The following CPVL variants were observed in gnomAD, a reference collection of about 807,000 sequenced individuals.
CPVL encodes the protein probable serine carboxypeptidase CPVL.
CPVL carries 51 observed loss-of-function variants against 63.7 expected under a neutral mutation model. That is an observed-to-expected ratio of 0.80 (90% CI 0.64 to 1.01). CPVL has a LOEUF of 1.01. Ranked by LOEUF, CPVL falls within the 50% of genes least tolerant of loss-of-function variation. The probability of loss-of-function intolerance (pLI) is 0.00; values close to 1 mark genes in which losing one functional copy is unlikely to be tolerated. For synonymous variants in CPVL, 195 were observed against 206.0 expected (o/e 0.95, Z 0.46); for missense variants, 530 against 573.1 (o/e 0.92, Z 0.77).
At chr7:29,123,038 C>G (rs1336377413) in intron 1 of CPVL, among the ~76,000 whole-genome samples, 1 of 152,138 alleles carries the variant, frequency 6.6e-6, no homozygotes, top group Non-Finnish European at 1.5e-5. Flanking sequence ...TGAAAGGGTA[C>G]TCCACACATT....
intron 7 of CPVL, among the ~76,000 whole-genome samples, chr7:29,085,962 T>C (rs1370490058): frequency 5.9e-5 from 9 of 152,062 alleles, no homozygotes; most frequent in Non-Finnish European, 8.8e-5. Flanking sequence ...GCACCCATGG[T>C]AATATGTGAG....
intron 10 of CPVL, 124 bp downstream of exon 10, chr7:29,065,899 C>T (rs1008730932): frequency 4.6e-5 from 26 of 570,172 alleles, no homozygotes; most frequent in Middle Eastern, 3.8e-4. Flanking sequence ...GACCACATCA[C>T]GCGGTACAGT....
In CPVL at chr7:29,146,507, A is replaced by G. The variant is rs1400106198; in HGVS notation, c.-89T>C. ...TTGTCCTTGCAGCGCTTCCCAAATC[A>G]GGCAGAAGTGAGGCAGCCCCACCCA... is the stretch of plus-strand genomic sequence containing the variant. On this transcript the variant is annotated 5_prime_UTR_variant, in exon 1 of 13. Coordinates refer to ENST00000265394, the MANE Select transcript of CPVL (RefSeq NM_031311.5). The G allele has an allele frequency of 4.1e-6, 6 of 1,468,080 alleles. No individual in the cohort carries two copies. Among genetic ancestry groups the G allele is most frequent in the Non-Finnish European group, 5.4e-6 (6 of 1,111,244 alleles). 90.9% of individuals were successfully genotyped at this position (1,468,080 alleles called of 1,614,324 possible).
chr7:29,188,719 G>C (rs1227772419), intron 1 of CPVL, among the ~76,000 whole-genome samples: 1 of 152,064 alleles, frequency 6.6e-6, no homozygotes, highest in African/African-American at 2.4e-5. Context: ...CAGCTGTCTA[G>C]AAATAGTCTT....
intron 5 of CPVL, among the ~76,000 whole-genome samples, chr7:29,174,601 C>T (rs1365263140): frequency 1.3e-5 from 2 of 152,164 alleles, no homozygotes; most frequent in African/African-American, 4.8e-5. Flanking sequence ...GTGACTCACG[C>T]CTGTAATCCA....
intron 12 of CPVL, among the ~76,000 whole-genome samples, chr7:29,018,988 T>C (rs566050814): frequency 6.6e-6 from 1 of 152,142 alleles, no homozygotes; most frequent in East Asian, 1.9e-4. Context: ...GAGATTTACA[T>C]TTTGTGTATA....
intron 12 of CPVL, among the ~76,000 whole-genome samples, chr7:29,018,376 ATCTTTT>A (rs1324496113): frequency 8.3e-6 from 1 of 120,318 alleles, no homozygotes; most frequent in African/African-American, 3.7e-5. Context: ...AAAATTTTTA[ATCTTTT>A]TTTTTTTTTT....
intron 1 of CPVL, among the ~76,000 whole-genome samples, chr7:29,140,766 T>C (rs568672758): frequency 2.0e-5 from 3 of 151,892 alleles, no homozygotes; most frequent in Non-Finnish European, 4.4e-5. Context: ...GGAAGGAAAA[T>C]AAGAAAAAAG....
In CPVL at chr7:29,140,739, C is replaced by G. The variant is rs147269364; in HGVS notation, c.-11+5690G>C. On this transcript the variant is annotated intron_variant, in intron 1 of 12. Coordinates refer to ENST00000265394, the MANE Select transcript of CPVL (RefSeq NM_031311.5). ...GGCTACACATTCTATCGCACCCTCT[C>G]TCCAAAGACTCCCCAGGGAAGGAAA... Among the ~76,000 whole-genome samples, 177 of 152,280 alleles carry G rather than the reference C, an allele frequency of 1.2e-3. 4 individuals are homozygous for G. In the East Asian group the frequency reaches 0.031, roughly 27 times the overall value.
In CPVL at chr7:29,092,645, C is replaced by A. The variant is rs1405374129; in HGVS notation, c.520G>T (p.Asp174Tyr). Residue 174 changes from aspartate (D) to tyrosine (Y), a missense_variant, in exon 6 of 13, where the codon GAT becomes TAT. By Grantham distance (160) the Asp-to-Tyr change is radical. Transcript: ENST00000265394. ...DTHGYAVNED[D>Y]VARDLYSALI... ...TACCTGTATAAATCCCGTGCTACAT[C>A]GTCCTCATTGACTGCATATCCGTGG... 9 of 1,613,692 alleles carry A rather than the reference C, an allele frequency of 5.6e-6. No homozygotes were observed. Among genetic ancestry groups the A allele is most frequent in the Non-Finnish European group, 5.9e-6 (7 of 1,179,596 alleles).
At chr7:29,167,229 T>G (rs1307911255) in intron 5 of CPVL, among the ~76,000 whole-genome samples, 1 of 152,238 alleles carries the variant, frequency 6.6e-6, no homozygotes, top group Non-Finnish European at 1.5e-5. Context: ...CCTAAAATAA[T>G]ATATTAATTT....
chr7:29,011,185 T>C (rs547818412), intron 12 of CPVL: 10 of 152,372 alleles, frequency 6.6e-5, no homozygotes, highest in African/African-American at 2.4e-4. Flanking sequence ...ACAATTCAAA[T>C]AGCCTAATGC....
intron 3 of CPVL, among the ~76,000 whole-genome samples, chr7:29,096,752 G>A (rs530616689): frequency 9.2e-5 from 14 of 152,172 alleles, no homozygotes; most frequent in Non-Finnish European, 1.9e-4. Context: ...GGGAGGCCGA[G>A]GCAGGCAGAT....
chr7:29,018,352 T>C (rs2648654), intron 12 of CPVL, among the ~76,000 whole-genome samples: 66,702 of 148,304 alleles, frequency 0.45, 16,631 homozygotes, highest in African/African-American at 0.68. Context: ...CTCAGTATGG[T>C]TATTATTCCG....
chr7:29,188,547 AAAG>A (rs1422521457), intron 1 of CPVL, among the ~76,000 whole-genome samples: 1 of 152,124 alleles, frequency 6.6e-6, no homozygotes, highest in African/African-American at 2.4e-5. Flanking sequence ...TTTTTAAAAA[AAAG>A]AGGATTTCTG....
At chr7:29,058,701 T>G (rs760398635) in intron 11 of CPVL, among the ~76,000 whole-genome samples, 7 of 152,152 alleles carry the variant, frequency 4.6e-5, no homozygotes, top group African/African-American at 7.2e-5. Flanking sequence ...CTCTCAACAC[T>G]TTAAATATTT....
At chr7:29,022,765 A>T (rs563526032) in intron 12 of CPVL, among the ~76,000 whole-genome samples, 1 of 152,198 alleles carries the variant, frequency 6.6e-6, no homozygotes, top group African/African-American at 2.4e-5. Context: ...CCCCACCCTC[A>T]CCAGTGCCTG....
chr7:29,021,924 G>A (rs1304326266), intron 12 of CPVL, among the ~76,000 whole-genome samples: 1 of 152,132 alleles, frequency 6.6e-6, no homozygotes, highest in Non-Finnish European at 1.5e-5. Flanking sequence ...GCTGGAGCCA[G>A]CAGTGCAGAT....
intron 5 of CPVL, among the ~76,000 whole-genome samples, chr7:29,176,059 G>A (rs1418902074): frequency 3.9e-5 from 6 of 151,992 alleles, no homozygotes; most frequent in Non-Finnish European, 5.9e-5. Flanking sequence ...GGTGGTGGGC[G>A]CCTGTAGTCC....
Sources: allele counts gnomAD v4.1 joint callset (sites outside exome capture counted in the v4.1 genomes callset), GRCh38; gene constraint gnomAD v4.1.1; transcripts MANE v1.5; gene names NCBI Gene and HGNC (gene_info 2026-07-23, HGNC 2026-07-21).